The following EVA1C variants were observed in gnomAD, a reference collection of about 807,000 sequenced individuals.
EVA1C encodes protein eva-1 homolog C.
A neutral mutation model predicts 45.4 loss-of-function variants in EVA1C; 25 were observed. The ratio of observed to expected loss-of-function variants is 0.55; its 90% CI spans 0.40 to 0.77. The LOEUF (loss-of-function observed/expected upper bound fraction) is 0.77. EVA1C is among the 30% of genes least tolerant of loss of function. EVA1C has a pLI of 0.00. For missense variants in EVA1C, 479 were observed against 554.8 expected (o/e 0.86, Z 1.37); for synonymous variants, 190 against 221.2 (o/e 0.86, Z 1.25).
chr21:32,492,632 C>T (rs1341640131), intron 4 of EVA1C, among the ~76,000 whole-genome samples: 2 of 152,038 alleles, frequency 1.3e-5, no homozygotes, highest in African/African-American at 2.4e-5. Flanking sequence ...TGGGCATGAA[C>T]CCCCCACAGG....
chr21:32,498,757 T>G (rs1375407712), intron 5 of EVA1C, among the ~76,000 whole-genome samples: 2 of 152,146 alleles, frequency 1.3e-5, no homozygotes, highest in East Asian at 3.9e-4. Context: ...AGGAGGAAGA[T>G]GGCCCTGGTT....
At chr21:32,421,295 G>A (rs1303379701) in intron 1 of EVA1C, among the ~76,000 whole-genome samples, 2 of 152,150 alleles carry the variant, frequency 1.3e-5, no homozygotes, top group Non-Finnish European at 2.9e-5. Context: ...CAGGCGATAA[G>A]GAGTGAGACC....
chr21:32,449,740 G>C lies in EVA1C; in HGVS notation c.161-3572G>C, dbSNP rs561286771. On this transcript the variant is annotated intron_variant, in intron 1 of 7. Coordinates refer to ENST00000300255, the MANE Select transcript of EVA1C (RefSeq NM_058187.5). ...GTGTTCAAGCAATTCCCCCACCTCA[G>C]CCTCCAGAGTAGCTGGGATTACGGG... 4.6e-5 allele frequency among the ~76,000 whole-genome samples: 7 copies of C among 152,006 alleles called. No individual in the cohort carries two copies. In the South Asian group the frequency reaches 1.5e-3, roughly 32 times the overall value.
At chr21:32,513,415 C>T (rs1281304426) in intron 7 of EVA1C, among the ~76,000 whole-genome samples, 1 of 148,882 alleles carries the variant, frequency 6.7e-6, no homozygotes, top group Non-Finnish European at 1.5e-5. Flanking sequence ...CTCCTGACCT[C>T]GTTATCTCCT....
In EVA1C at chr21:32,444,557, T is replaced by A. The variant is rs28445753; in HGVS notation, c.161-8755T>A. ...CTGTGCCCACCGTGGGTGCCCTGAC[T>A]TCCAAAAACCTGTACATGTTCTGCT... On this transcript the variant is annotated intron_variant, in intron 1 of 7. Transcript: ENST00000300255. Among the ~76,000 whole-genome samples the A allele has an allele frequency of 3.2e-3, 491 of 152,138 alleles. 4 individuals carry two copies. Among genetic ancestry groups the A allele is most frequent in the African/African-American group, 0.011 (458 of 41,476 alleles).
chr21:32,497,130 A>G (rs2833854), intron 5 of EVA1C: 105,049 of 816,944 alleles, frequency 0.13, 7,608 homozygotes, highest in Middle Eastern at 0.25. Flanking sequence ...GCTCCAGATC[A>G]TGAAATCAAA....
intron 1 of EVA1C, among the ~76,000 whole-genome samples, chr21:32,434,418 C>T (rs1189547238): frequency 2.7e-5 from 4 of 149,712 alleles, no homozygotes; most frequent in African/African-American, 4.9e-5. Context: ...GGTGAAACCC[C>T]GTCTCTACTA....
intron 4 of EVA1C, among the ~76,000 whole-genome samples, chr21:32,472,642 GA>G (rs376382557): frequency 0.038 from 5,281 of 140,188 alleles, 104 homozygotes; most frequent in South Asian, 0.081. Flanking sequence ...TCTCTTAAAA[GA>G]AAAAAAAAAA....
At chr21:32,437,961 A>G (rs1025243001) in intron 1 of EVA1C, among the ~76,000 whole-genome samples, 3 of 152,102 alleles carry the variant, frequency 2.0e-5, no homozygotes, top group African/African-American at 7.2e-5. Context: ...AGTGCTACAA[A>G]TAACACCGCA....
chr21:32,432,706 G>A (rs541460537), intron 1 of EVA1C, among the ~76,000 whole-genome samples: 1 of 151,988 alleles, frequency 6.6e-6, no homozygotes, highest in South Asian at 2.1e-4. Context: ...CCCTTGGCAG[G>A]TGCTTCATCT....
At chr21:32,510,878 AT>A (rs1197307623) in intron 7 of EVA1C, among the ~76,000 whole-genome samples, 1 of 152,112 alleles carries the variant, frequency 6.6e-6, no homozygotes, top group Non-Finnish European at 1.5e-5. Flanking sequence ...TTACAAAAAA[AT>A]ATAATAAAAA....
chr21:32,438,632 C>A (rs2035059003), intron 1 of EVA1C, among the ~76,000 whole-genome samples: 1 of 152,126 alleles, frequency 6.6e-6, no homozygotes, highest in African/African-American at 2.4e-5. Context: ...CTTCACCACC[C>A]AGCGCACATC....
intron 1 of EVA1C, among the ~76,000 whole-genome samples, chr21:32,427,315 CTATTCT>C (rs1238078684): frequency 3.3e-5 from 5 of 152,196 alleles, no homozygotes; most frequent in African/African-American, 1.2e-4. Flanking sequence ...CAAGACTTTA[CTATTCT>C]TTGTTTCTAT....
At chr21:32,438,767 A>G (rs574365676) in intron 1 of EVA1C, among the ~76,000 whole-genome samples, 59 of 152,312 alleles carry the variant, frequency 3.9e-4, no homozygotes, top group South Asian at 2.5e-3. Flanking sequence ...ACTGGAGGTC[A>G]GATTTTCAAC....
chr21:32,461,424 C>G (rs1481197327), intron 3 of EVA1C, among the ~76,000 whole-genome samples: 1 of 152,218 alleles, frequency 6.6e-6, no homozygotes, highest in African/African-American at 2.4e-5. Flanking sequence ...AACCTGAGCA[C>G]TGCCATTTAG....
At chr21:32,476,592 G>A (rs1044848659) in intron 4 of EVA1C, among the ~76,000 whole-genome samples, 5 of 152,122 alleles carry the variant, frequency 3.3e-5, no homozygotes, top group Admixed American at 1.3e-4. Flanking sequence ...GGTGAGCCGA[G>A]ATCGCGCCAT....
At position 32,412,978 on chromosome 21, in the gene EVA1C, G is replaced by A. The variant is rs1241223538; in HGVS notation, c.125G>A (p.Cys42Tyr). The change falls in exon 1 of 8, where the codon TGC (cysteine) becomes TAC (tyrosine). Residue 42 changes from cysteine (C) to tyrosine (Y), a missense_variant. Physicochemically the swap from Cys to Tyr is radical, Grantham distance 194 (BLOSUM62 -2). Around this residue, in one of 3 missense-constraint regions of EVA1C, gnomAD observed 80 missense variants for 63.8 expected, o/e 1.25. Coordinates refer to ENST00000300255, the MANE Select transcript of EVA1C (RefSeq NM_058187.5). ...CTCTTCTACTGCACTGTCCTGGTCTGCTCCAAAGAGATCTCAGCGCTCACC... is the reference window on the plus strand; with the variant it reads ...CTCTTCTACTGCACTGTCCTGGTCTACTCCAAAGAGATCTCAGCGCTCACC... ...LRLFYCTVLV[C>Y]SKEISALTDF... 1 of 1,494,348 alleles carries A rather than the reference G, an allele frequency of 6.7e-7. No homozygotes were observed. Among genetic ancestry groups the A allele is most frequent in the Non-Finnish European group, 8.9e-7 (1 of 1,117,754 alleles). The allele number at this position is 1,494,348 out of a possible 1,614,324, so 92.6% of individuals were successfully genotyped here.
chr21:32,433,624 T>G (rs1327101186), intron 1 of EVA1C, among the ~76,000 whole-genome samples: 4 of 152,238 alleles, frequency 2.6e-5, no homozygotes, highest in Non-Finnish European at 5.9e-5. Flanking sequence ...ACTGGTCTCT[T>G]CCTCATACCT....
At chr21:32,491,849 G>C (rs775157861) in intron 4 of EVA1C, among the ~76,000 whole-genome samples, 18 of 152,112 alleles carry the variant, frequency 1.2e-4, no homozygotes, top group Non-Finnish European at 2.5e-4. Context: ...GTGCAGACGT[G>C]TGGAGTCAAA....
Sources: gnomAD v4.1 joint callset for allele counts (sites outside exome capture counted in the v4.1 genomes callset) on GRCh38, gnomAD v4.1.1 for gene constraint, gnomAD v4.1.1 regional missense constraint, MANE v1.5 for transcripts, NCBI Gene and HGNC (gene_info 2026-07-23, HGNC 2026-07-21) for gene names.